The following NCAM2 variants were observed in gnomAD, a reference collection of about 807,000 sequenced individuals.
NCAM2 encodes the protein N-CAM-2.
NCAM2 carries 30 observed loss-of-function variants against 98.1 expected under a neutral mutation model. That is an observed-to-expected ratio of 0.31 (90% confidence interval 0.23 to 0.41). The LOEUF (loss-of-function observed/expected upper bound fraction) is 0.41, where lower values mean the gene tolerates loss of function less well. Among genes scored for constraint, NCAM2 ranks in the 10% least tolerant of loss-of-function variants. NCAM2 has a pLI of 1.00. For synonymous variants in NCAM2, 368 were observed against 342.4 expected (o/e 1.07, Z -0.83); for missense variants, 867 against 1,005.8 (o/e 0.86, Z 1.87).
At chr21:21,368,753 T>C (rs1002452713) in intron 8 of NCAM2, among the ~76,000 whole-genome samples, 2 of 151,778 alleles carry the variant, frequency 1.3e-5, no homozygotes, top group African/African-American at 4.8e-5. Context: ...ACCAGCACAG[T>C]GGGGCTTAGG....
intron 1 of NCAM2, among the ~76,000 whole-genome samples, chr21:21,222,091 A>G (rs1452104625): frequency 1.3e-5 from 2 of 152,190 alleles, no homozygotes; most frequent in African/African-American, 2.4e-5. Flanking sequence ...GACAGCACAT[A>G]GCTTTATAAC....
chr21:21,466,807 T>C (rs748567546), intron 13 of NCAM2, 82 bp downstream of exon 13: 6 of 1,375,340 alleles, frequency 4.4e-6, no homozygotes, highest in Non-Finnish European at 6.0e-6. Flanking sequence ...TGTAGGGAGA[T>C]GTTTCAACAC....
At chr21:21,272,342 G>T (rs1274529468) in intron 1 of NCAM2, among the ~76,000 whole-genome samples, 1 of 152,122 alleles carries the variant, frequency 6.6e-6, no homozygotes, top group African/African-American at 2.4e-5. Context: ...ACCACTTTCT[G>T]AGTAGCAATG....
At chr21:21,335,200 T>G (rs1022216206) in intron 6 of NCAM2, among the ~76,000 whole-genome samples, 3 of 151,528 alleles carry the variant, frequency 2.0e-5, no homozygotes, top group Non-Finnish European at 2.9e-5. Context: ...AAACAAAATG[T>G]TTTTTTTGCC....
intron 1 of NCAM2, among the ~76,000 whole-genome samples, chr21:21,026,496 G>A (rs1461565673): frequency 6.6e-6 from 1 of 151,968 alleles, no homozygotes; most frequent in East Asian, 1.9e-4. Context: ...GTGGTGGCAG[G>A]CTTCTGTCAT....
chr21:21,372,480 C>G (rs2075941866), intron 8 of NCAM2, among the ~76,000 whole-genome samples: 1 of 151,596 alleles, frequency 6.6e-6, no homozygotes, highest in Non-Finnish European at 1.5e-5. Context: ...TAACCTGTCT[C>G]AATCAAATAT....
chr21:21,444,599 T>C (rs62214330), intron 12 of NCAM2, among the ~76,000 whole-genome samples: 2,494 of 152,288 alleles, frequency 0.016, 35 homozygotes, highest in Admixed American at 0.039. Flanking sequence ...CCATTTCTTC[T>C]AGATTTTCTA....
At chr21:21,017,515 A>G (rs2064337663) in intron 1 of NCAM2, among the ~76,000 whole-genome samples, 1 of 150,894 alleles carries the variant, frequency 6.6e-6, no homozygotes, top group South Asian at 2.1e-4. Context: ...GTGATTTGAA[A>G]TGGACCGATG....
chr21:21,177,160 T>A (rs2146884858), intron 1 of NCAM2, among the ~76,000 whole-genome samples: 1 of 152,228 alleles, frequency 6.6e-6, no homozygotes, highest in South Asian at 2.1e-4. Context: ...TCAAGAAATC[T>A]TTAGATACAG....
intron 12 of NCAM2, among the ~76,000 whole-genome samples, chr21:21,452,728 T>TTATATAATA (rs1383505526): frequency 9.2e-6 from 1 of 108,992 alleles, no homozygotes; most frequent in Non-Finnish European, 1.7e-5. Flanking sequence ...ACTTTATATA[T>TTATATAATA]TATATAATAT....
At chr21:21,026,374 T>G (rs2064544564) in intron 1 of NCAM2, among the ~76,000 whole-genome samples, 1 of 152,148 alleles carries the variant, frequency 6.6e-6, no homozygotes, top group African/African-American at 2.4e-5. Flanking sequence ...AATTTCAAAG[T>G]TAGGCCAGGC....
chr21:21,210,191 A>C (rs2147076425), intron 1 of NCAM2, among the ~76,000 whole-genome samples: 1 of 152,344 alleles, frequency 6.6e-6, no homozygotes, highest in East Asian at 1.9e-4. Flanking sequence ...TTTTATTAGA[A>C]AAATGGGTTA....
intron 1 of NCAM2, among the ~76,000 whole-genome samples, chr21:21,178,466 T>C (rs2068365885): frequency 6.6e-6 from 1 of 152,100 alleles, no homozygotes; most frequent in Non-Finnish European, 1.5e-5. Flanking sequence ...AATGGTTCAC[T>C]CAGCAAAGCA....
At chr21:21,152,270 T>C (rs1159967973) in intron 1 of NCAM2, among the ~76,000 whole-genome samples, 2 of 152,074 alleles carry the variant, frequency 1.3e-5, no homozygotes, top group Non-Finnish European at 2.9e-5. Flanking sequence ...AGTTCCGTTT[T>C]ATTTTTTCCC....
At chr21:21,439,301 T>G (rs1355201908) in intron 12 of NCAM2, among the ~76,000 whole-genome samples, 1 of 151,962 alleles carries the variant, frequency 6.6e-6, no homozygotes, top group Admixed American at 6.5e-5. Flanking sequence ...GTATTTTTAG[T>G]AGAGATGGGG....
intron 1 of NCAM2, among the ~76,000 whole-genome samples, chr21:21,108,918 G>A (rs909873982): frequency 1.3e-5 from 2 of 152,054 alleles, no homozygotes; most frequent in Admixed American, 6.6e-5. Context: ...GCTAACTCTC[G>A]GGTATCACCA....
Position 21,335,473 on chromosome 21 carries a change from C to A in NCAM2, c.738-32C>A, listed in dbSNP as rs1445700908. ...AATCTACTAAATTATAAAGCCAGAT[C>A]TGTGAGGATGAACCTCTTTTTTCTT... On this transcript the variant is annotated intron_variant, in intron 6 of 17. Transcript: ENST00000400546. The A allele has an allele frequency of 2.6e-6, 4 of 1,555,228 alleles. No homozygotes were observed. In the Admixed American group the frequency reaches 6.1e-5, roughly 24 times the overall value.
At chr21:21,383,515 GA>G (rs1457288684) in intron 9 of NCAM2, among the ~76,000 whole-genome samples, 3 of 151,590 alleles carry the variant, frequency 2.0e-5, no homozygotes, top group East Asian at 1.9e-4. Flanking sequence ...GAAAAACAAA[GA>G]AAAAAAATGG....
At chr21:21,388,814 T>G (rs765642582) in intron 9 of NCAM2, among the ~76,000 whole-genome samples, 12 of 152,214 alleles carry the variant, frequency 7.9e-5, no homozygotes, top group Non-Finnish European at 1.5e-4. Flanking sequence ...TCTAGTGGCT[T>G]ATTTGAGATA....
Sources: gnomAD v4.1 joint callset for allele counts (sites outside exome capture counted in the v4.1 genomes callset) on GRCh38, gnomAD v4.1.1 for gene constraint, MANE v1.5 for transcripts, NCBI Gene and HGNC (gene_info 2026-07-23, HGNC 2026-07-21) for gene names.